The following HDAC9 variants were observed in gnomAD, a reference collection of about 807,000 sequenced individuals.
The protein encoded by HDAC9 is histone deacetylase 9.
Under a neutral mutation model 139.4 loss-of-function variants are expected in HDAC9, and 41 were observed. The ratio of observed to expected loss-of-function variants is 0.29; its 90% CI spans 0.23 to 0.38. The LOEUF is 0.38. Ranked by LOEUF, HDAC9 falls within the 10% of genes least tolerant of loss-of-function variation. The probability of loss-of-function intolerance (pLI) is 1.00; values close to 1 mark genes in which losing one functional copy is unlikely to be tolerated. For missense variants in HDAC9, 1,147 were observed against 1,297.0 expected (o/e 0.88, Z 1.78); for synonymous variants, 517 against 476.2 (o/e 1.09, Z -1.12).
intron 1 of HDAC9, among the ~76,000 whole-genome samples, chr7:18,422,562 G>T (rs1043693449): frequency 6.6e-6 from 1 of 152,110 alleles, no homozygotes; most frequent in African/African-American, 2.4e-5. Flanking sequence ...CAAGAATGAG[G>T]CATTGATTTT....
chr7:18,671,736 G>A (rs1387405506), intron 12 of HDAC9, among the ~76,000 whole-genome samples: 1 of 151,746 alleles, frequency 6.6e-6, no homozygotes, highest in East Asian at 1.9e-4. Flanking sequence ...CTCCACGCTC[G>A]TTCTTGCCCC....
intron 8 of HDAC9, among the ~76,000 whole-genome samples, chr7:18,635,223 T>C (rs1428430000): frequency 6.6e-6 from 1 of 151,800 alleles, no homozygotes; most frequent in Non-Finnish European, 1.5e-5. Context: ...CGTACAGGCC[T>C]CTCAGAGGAA....
At chr7:18,616,662 C>G (rs546967962) in intron 6 of HDAC9, among the ~76,000 whole-genome samples, 132 of 152,224 alleles carry the variant, frequency 8.7e-4, no homozygotes, top group African/African-American at 3.1e-3. Flanking sequence ...GTTATAAAAT[C>G]AAAACTTGCA....
chr7:18,159,824 A>G (rs1044660701), intron 1 of HDAC9, among the ~76,000 whole-genome samples: 2 of 152,208 alleles, frequency 1.3e-5, no homozygotes, highest in Non-Finnish European at 2.9e-5. Flanking sequence ...ATTTTCATAA[A>G]TGTTAGACCA....
In HDAC9 at chr7:18,773,992, T is replaced by C. The variant is rs530525734; in HGVS notation, c.2214+6837T>C. Among the ~76,000 whole-genome samples the C allele has an allele frequency of 1.7e-4, 15 of 90,076 alleles. No individual in the cohort carries two copies. The South Asian group carries it at 4.3e-3, about 26-fold the overall frequency. The allele number at this position is 90,076 out of a possible 152,430, so 59.1% of individuals were successfully genotyped here. ...AACTTTCATTAATGGAGAACAACAG[T>C]TTTTTTTTCAAAATTCAAAACCAAA... On this transcript the variant is annotated intron_variant, in intron 16 of 25. Coordinates refer to ENST00000686413, the MANE Select transcript of HDAC9 (RefSeq NM_178425.4).
chr7:18,610,930 G>A (rs1336486023), intron 6 of HDAC9, among the ~76,000 whole-genome samples: 1 of 152,082 alleles, frequency 6.6e-6, no homozygotes, highest in Non-Finnish European at 1.5e-5. Context: ...TATTTTGGGG[G>A]CCTCAACAGT....
At chr7:18,540,473 T>C (rs1812461342) in intron 2 of HDAC9, among the ~76,000 whole-genome samples, 1 of 152,168 alleles carries the variant, frequency 6.6e-6, no homozygotes, top group Non-Finnish European at 1.5e-5. Context: ...AGACAAGAAC[T>C]TGATGTGTTC....
Position 18,644,674 on chromosome 7 carries a change from A to G in HDAC9, c.916A>G (p.Met306Val), listed in dbSNP as rs775841374. The change falls in exon 9 of 26, where the codon ATG becomes GTG. Residue 306 changes from methionine to valine, a missense_variant. By Grantham distance (21) the Met-to-Val change is conservative. Coordinates refer to ENST00000686413, the MANE Select transcript of HDAC9 (RefSeq NM_178425.4). ...GACTCTCCTCTTTTTTTAACAGCAA[A>G]TGGTTTCACAGCAACGCATTCTAAT... ...VLPPTPHAEQMVSQQRILIHE... is the reference protein window; with the variant it reads ...VLPPTPHAEQVVSQQRILIHE... 1.2e-6 allele frequency: 2 copies of G among 1,608,328 alleles called. No individual in the cohort carries two copies. Among genetic ancestry groups the G allele is most frequent in the East Asian group, 2.2e-5 (1 of 44,562 alleles).
chr7:18,463,079 A>C (rs559884201), intron 1 of HDAC9, among the ~76,000 whole-genome samples: 1 of 151,898 alleles, frequency 6.6e-6, no homozygotes, highest in Admixed American at 6.6e-5. Flanking sequence ...TTTCAGTTTT[A>C]ATTAAAATTT....
At chr7:18,665,606 TTG>T (rs1241033415) in intron 11 of HDAC9, among the ~76,000 whole-genome samples, 3 of 152,226 alleles carry the variant, frequency 2.0e-5, no homozygotes, top group Admixed American at 2.0e-4. Flanking sequence ...AAACATCTTA[TTG>T]TTAATTTTTT....
intron 23 of HDAC9, among the ~76,000 whole-genome samples, chr7:18,953,226 G>A (rs976381320): frequency 1.3e-5 from 2 of 152,018 alleles, no homozygotes; most frequent in African/African-American, 4.8e-5. Context: ...TAACCTTAAT[G>A]TTTCTAGGAA....
intron 2 of HDAC9, among the ~76,000 whole-genome samples, chr7:18,546,215 A>C (rs1814767904): frequency 6.6e-6 from 1 of 152,286 alleles, no homozygotes; most frequent in African/African-American, 2.4e-5. Context: ...TTGTTTTTGA[A>C]AAAAATCTTT....
intron 1 of HDAC9, among the ~76,000 whole-genome samples, chr7:18,346,711 A>G (rs1320472850): frequency 2.0e-5 from 3 of 152,136 alleles, no homozygotes; most frequent in Non-Finnish European, 2.9e-5. Flanking sequence ...GGTCAATGGG[A>G]TCGAAAGACA....
intron 2 of HDAC9, among the ~76,000 whole-genome samples, chr7:18,212,000 A>T (rs1350619994): frequency 1.3e-5 from 2 of 152,116 alleles, no homozygotes; most frequent in African/African-American, 4.8e-5. Context: ...TAAAAAATTG[A>T]TTTGTTCACG....
chr7:18,856,175 T>C (rs1247418805), intron 21 of HDAC9, among the ~76,000 whole-genome samples: 6 of 152,140 alleles, frequency 3.9e-5, no homozygotes, highest in Non-Finnish European at 8.8e-5. Context: ...TACGGCATCA[T>C]AGGTTCACGC....
chr7:18,578,303 G>C, intron 2 of HDAC9: 1 of 500,870 alleles, frequency 2.0e-6, no homozygotes, highest in Admixed American at 2.1e-5. Flanking sequence ...TATTCGTAAC[G>C]ACCCCTTCAC....
At chr7:18,593,677 T>C (rs1831624581) in intron 5 of HDAC9, among the ~76,000 whole-genome samples, 1 of 152,128 alleles carries the variant, frequency 6.6e-6, no homozygotes, top group Non-Finnish European at 1.5e-5. Context: ...AAGCAAACTT[T>C]CTATGTGACT....
chr7:18,441,267 A>T lies in HDAC9; in HGVS notation c.-41-54995A>T, dbSNP rs374555869. Reference sequence around the variant, plus strand: ...ATCTGACCTTTTTTAAAGAAAAAAAAGTATTCCATTGCTTCACCCACATCA... The same window carrying T: ...ATCTGACCTTTTTTAAAGAAAAAAATGTATTCCATTGCTTCACCCACATCA... On this transcript the variant is annotated intron_variant, in intron 1 of 3. Coordinates refer to the HDAC9 transcript ENST00000413509. Among the ~76,000 whole-genome samples, 290 of 152,326 alleles carry T rather than the reference A, an allele frequency of 1.9e-3. 1 individual carries two copies. The highest frequency in any genetic ancestry group is 5.7e-3 in the African/African-American group (236 of 41,568).
At chr7:18,139,560 A>T (rs924803451) in intron 1 of HDAC9, among the ~76,000 whole-genome samples, 7 of 152,106 alleles carry the variant, frequency 4.6e-5, no homozygotes, top group Non-Finnish European at 8.8e-5. Context: ...AGTTTTACAA[A>T]CTGTTTTGTA....
Sources: allele counts gnomAD v4.1 joint callset (sites outside exome capture counted in the v4.1 genomes callset), GRCh38; gene constraint gnomAD v4.1.1; transcripts MANE v1.5; gene names NCBI Gene and HGNC (gene_info 2026-07-23, HGNC 2026-07-21).